The following ATXN1 variants were observed in gnomAD, a reference collection of about 807,000 sequenced individuals.
ATXN1 encodes ataxin 1.
ATXN1 carries 8 observed loss-of-function variants against 56.4 expected under a neutral mutation model. That is an observed-to-expected ratio of 0.14 (90% CI 0.08 to 0.26). ATXN1 has a LOEUF of 0.26. Among genes scored for constraint, ATXN1 ranks in the 10% least tolerant of loss-of-function variants. The pLI, the probability that ATXN1 is intolerant of heterozygous loss-of-function variation, is 1.00. For synonymous variants in ATXN1, 514 were observed against 494.6 expected, an observed-to-expected ratio of 1.04 and a Z score of -0.52; for missense variants, 987 against 1,106.5, an observed-to-expected ratio of 0.89 and a Z score of 1.53.
At chr6:16,348,491 G>A (rs145877179) in intron 6 of ATXN1, among the ~76,000 whole-genome samples, 570 of 152,204 alleles carry the variant, frequency 3.7e-3, no homozygotes, top group Middle Eastern at 0.01. Context: ...GTGAGATCCA[G>A]AGTTCGAGAC....
chr6:16,492,663 A>G (rs1400186122), intron 5 of ATXN1, among the ~76,000 whole-genome samples: 1 of 151,514 alleles, frequency 6.6e-6, no homozygotes, highest in Non-Finnish European at 1.5e-5. Flanking sequence ...GGTTCCTTAT[A>G]TTACTCCTTA....
chr6:16,630,164 G>T (rs537438976), intron 3 of ATXN1, among the ~76,000 whole-genome samples: 1 of 152,224 alleles, frequency 6.6e-6, no homozygotes, highest in Non-Finnish European at 1.5e-5. Context: ...TCCAACTGTG[G>T]GCATTCCCTT....
At chr6:16,465,423 C>T (rs902852074) in intron 6 of ATXN1, among the ~76,000 whole-genome samples, 3 of 152,210 alleles carry the variant, frequency 2.0e-5, no homozygotes, top group Non-Finnish European at 2.9e-5. Flanking sequence ...TGCCACTGCA[C>T]TCCAGCCTGG....
chr6:16,754,421 T>C (rs1230896091), intron 1 of ATXN1, among the ~76,000 whole-genome samples: 2 of 152,178 alleles, frequency 1.3e-5, no homozygotes, highest in Non-Finnish European at 2.9e-5. Context: ...AAAGAAACTA[T>C]TCTGGAGCTA....
chr6:16,496,647 A>G (rs1760786285), intron 5 of ATXN1, among the ~76,000 whole-genome samples: 1 of 152,208 alleles, frequency 6.6e-6, no homozygotes, highest in Non-Finnish European at 1.5e-5. Context: ...CGCTGGCAAG[A>G]TGCAGCCGTG....
chr6:16,664,910 A>G (rs191668582), intron 2 of ATXN1, among the ~76,000 whole-genome samples: 11 of 152,322 alleles, frequency 7.2e-5, no homozygotes, highest in Admixed American at 4.6e-4. Flanking sequence ...TAATAGAAAT[A>G]CTAATATACC....
chr6:16,669,754 G>C (rs1253186513), intron 2 of ATXN1, among the ~76,000 whole-genome samples: 2 of 150,742 alleles, frequency 1.3e-5, no homozygotes, highest in Admixed American at 6.6e-5. Flanking sequence ...CATGTATCAC[G>C]GTGGTTTGTT....
chr6:16,513,853 G>C (rs1013348594), intron 5 of ATXN1, among the ~76,000 whole-genome samples: 1 of 152,108 alleles, frequency 6.6e-6, no homozygotes, highest in Admixed American at 6.5e-5. Flanking sequence ...CTGCCCAGAG[G>C]TGGCTGCTCC....
intron 2 of ATXN1, among the ~76,000 whole-genome samples, chr6:16,686,517 G>A (rs1354696474): frequency 2.6e-5 from 4 of 152,228 alleles, no homozygotes; most frequent in African/African-American, 9.6e-5. Context: ...ATGCCGAAAA[G>A]AGATATTTAT....
At chr6:16,686,554 G>A (rs185465790) in intron 2 of ATXN1, among the ~76,000 whole-genome samples, 3 of 152,166 alleles carry the variant, frequency 2.0e-5, no homozygotes, top group Admixed American at 2.0e-4. Flanking sequence ...TAGGACATGC[G>A]GATGTCCCTA....
At chr6:16,664,539 G>C (rs1758387308) in intron 2 of ATXN1, among the ~76,000 whole-genome samples, 1 of 152,134 alleles carries the variant, frequency 6.6e-6, no homozygotes, top group South Asian at 2.1e-4. Flanking sequence ...GGATAAATTT[G>C]GGAAAGACTT....
chr6:16,432,223 T>C (rs567802797), intron 6 of ATXN1, among the ~76,000 whole-genome samples: 182 of 152,230 alleles, frequency 1.2e-3, no homozygotes, highest in African/African-American at 4.2e-3. Context: ...GCATGGAAAA[T>C]CACAATGTTA....
intron 4 of ATXN1, among the ~76,000 whole-genome samples, chr6:16,537,610 G>A (rs1200521654): frequency 6.6e-6 from 1 of 151,906 alleles, no homozygotes; most frequent in South Asian, 2.1e-4. Context: ...GCAGGCTGGG[G>A]CAGGAGAATC....
At chr6:16,505,012 G>GTTTTTTTTTTTTTTTTTTTT (rs1760956500) in intron 5 of ATXN1, among the ~76,000 whole-genome samples, 1 of 103,588 alleles carries the variant, frequency 9.7e-6, no homozygotes, top group African/African-American at 4.6e-5. Context: ...TTTTTTTTTA[G>GTTTTTTTTTTTTTTTTTTTT]CTTTAGCTCT....
chr6:16,584,243 T>TACACAC (rs368108414), intron 4 of ATXN1, among the ~76,000 whole-genome samples: 6 of 118,498 alleles, frequency 5.1e-5, no homozygotes, highest in African/African-American at 1.7e-4. Context: ...TATATATATA[T>TACACAC]ACACACACAC....
At chr6:16,546,977 A>C (rs1292603954) in intron 4 of ATXN1, among the ~76,000 whole-genome samples, 3 of 152,262 alleles carry the variant, frequency 2.0e-5, no homozygotes, top group African/African-American at 7.2e-5. Context: ...CAAGGAGGAA[A>C]AAGGCAGGCC....
chr6:16,754,188 C>T (rs1305160058), intron 1 of ATXN1: 1 of 151,946 alleles, frequency 6.6e-6, no homozygotes, highest in Non-Finnish European at 1.5e-5. Context: ...CGGTAATTAC[C>T]AATTATCCAC....
chr6:16,472,729 G>A (rs1231904097), intron 6 of ATXN1, among the ~76,000 whole-genome samples: 1 of 152,094 alleles, frequency 6.6e-6, no homozygotes, highest in African/African-American at 2.4e-5. Context: ...CATGCCCTGG[G>A]GTTTTTCAAA....
intron 6 of ATXN1, among the ~76,000 whole-genome samples, chr6:16,342,469 C>T (rs534251429): frequency 3.3e-4 from 50 of 152,180 alleles, no homozygotes; most frequent in African/African-American, 1.2e-3. Flanking sequence ...TTGGCAGTTC[C>T]TCAAAATGTG....
Sources: allele counts gnomAD v4.1 joint callset (sites outside exome capture counted in the v4.1 genomes callset), GRCh38; gene constraint gnomAD v4.1.1; transcripts MANE v1.5; gene names NCBI Gene and HGNC (gene_info 2026-07-23, HGNC 2026-07-21).